HEMK2: variants seen among roughly 807,000 people sequenced by gnomAD.
HEMK2 encodes the protein methyltransferase HEMK2.
At chr21:28,854,152 T>G in the HEMK2 span, among the ~76,000 whole-genome samples, 27 of 152,294 alleles carry the variant, frequency 1.8e-4, no homozygotes, top group African/African-American at 6.0e-4. Flanking sequence ...ACCAACAAGC[T>G]TCATTATTTT....
the HEMK2 span, among the ~76,000 whole-genome samples, chr21:28,690,816 A>T: frequency 6.6e-6 from 1 of 152,172 alleles, no homozygotes; most frequent in Non-Finnish European, 1.5e-5. Flanking sequence ...TACTTCCAAT[A>T]TACAGCATCT....
chr21:28,873,075 A>G, the HEMK2 span: 6 of 152,216 alleles, frequency 3.9e-5, no homozygotes, highest in African/African-American at 1.4e-4. Flanking sequence ...TAACTGCCAC[A>G]TAAAGACAAC....
chr21:28,877,076 G>A, the HEMK2 span, among the ~76,000 whole-genome samples: 2 of 110,740 alleles, frequency 1.8e-5, no homozygotes, highest in Non-Finnish European at 3.7e-5. Context: ...GGGAGGGAAG[G>A]GAAGGGAAGG....
chr21:28,718,449 T>A, the HEMK2 span, among the ~76,000 whole-genome samples: 1 of 152,188 alleles, frequency 6.6e-6, no homozygotes, highest in African/African-American at 2.4e-5. Flanking sequence ...ATTGGTCAAG[T>A]GTTGAATTTA....
the HEMK2 span, among the ~76,000 whole-genome samples, chr21:28,750,896 T>C: frequency 6.6e-6 from 1 of 152,134 alleles, no homozygotes; most frequent in African/African-American, 2.4e-5. Flanking sequence ...CAGCCATCTC[T>C]TCTCCACTCG....
At chr21:28,769,576 A>T in the HEMK2 span, among the ~76,000 whole-genome samples, 2 of 152,148 alleles carry the variant, frequency 1.3e-5, no homozygotes, top group South Asian at 4.1e-4. Flanking sequence ...GGTGATATAA[A>T]ATAATCATAG....
the HEMK2 span, among the ~76,000 whole-genome samples, chr21:28,834,447 A>C: frequency 1.9e-4 from 29 of 152,176 alleles, no homozygotes; most frequent in African/African-American, 6.8e-4. Flanking sequence ...AAGCTGAGTC[A>C]ATCTAGAGAG....
At chr21:28,822,853 A>C in the HEMK2 span, among the ~76,000 whole-genome samples, 2 of 147,092 alleles carry the variant, frequency 1.4e-5, no homozygotes, top group African/African-American at 5.4e-5. Flanking sequence ...CTAATCCCAG[A>C]TATTAACGTC....
the HEMK2 span, among the ~76,000 whole-genome samples, chr21:28,601,860 G>T: frequency 6.6e-6 from 1 of 152,172 alleles, no homozygotes; most frequent in African/African-American, 2.4e-5. Context: ...ACATCATTTT[G>T]TAATCAGCAG....
At chr21:28,694,949 G>A in the HEMK2 span, among the ~76,000 whole-genome samples, 2 of 150,014 alleles carry the variant, frequency 1.3e-5, no homozygotes, top group African/African-American at 4.9e-5. Flanking sequence ...AGTGAGCCGA[G>A]ATGGGGTCAC....
chr21:28,726,998 TCAGTACTAGTTCA>T, the HEMK2 span, among the ~76,000 whole-genome samples: 1 of 152,052 alleles, frequency 6.6e-6, no homozygotes, highest in Non-Finnish European at 1.5e-5. Flanking sequence ...TTTCTCAATA[TCAGTACTAGTTCA>T]CAGGGTCCCT....
chr21:28,649,722 C>T, the HEMK2 span, among the ~76,000 whole-genome samples: 1 of 151,982 alleles, frequency 6.6e-6, no homozygotes, highest in Non-Finnish European at 1.5e-5. Flanking sequence ...AGGAACTTGC[C>T]ATGCTAAGCA....
At chr21:28,620,140 C>CT in the HEMK2 span, among the ~76,000 whole-genome samples, 1 of 152,104 alleles carries the variant, frequency 6.6e-6, no homozygotes, top group Admixed American at 6.6e-5. Context: ...GGTGGATAAG[C>CT]TTTTTGATGT....
At chr21:28,854,110 T>C in the HEMK2 span, among the ~76,000 whole-genome samples, 1 of 152,184 alleles carries the variant, frequency 6.6e-6, no homozygotes. Flanking sequence ...CATTATATAT[T>C]TTCATCATTT....
chr21:28,878,312 C>T, the HEMK2 span: 1 of 1,613,288 alleles, frequency 6.2e-7, no homozygotes, highest in African/African-American at 1.3e-5. Context: ...GCCCAAGCTG[C>T]CTCTATTCCG....
the HEMK2 span, chr21:28,873,803 G>A: frequency 6.6e-6 from 1 of 152,166 alleles, no homozygotes; most frequent in Non-Finnish European, 1.5e-5. Flanking sequence ...TAAACTTCCA[G>A]TTCAATTAAA....
At chr21:28,846,185 T>A in the HEMK2 span, among the ~76,000 whole-genome samples, 1 of 152,206 alleles carries the variant, frequency 6.6e-6, no homozygotes, top group African/African-American at 2.4e-5. Flanking sequence ...ATTTTCTTTA[T>A]CCAGTCTACC....
At chr21:28,714,596 G>T in the HEMK2 span, among the ~76,000 whole-genome samples, 1 of 152,216 alleles carries the variant, frequency 6.6e-6, no homozygotes. Context: ...AGTGTCTACT[G>T]TGACAAAGAG....
the HEMK2 span, among the ~76,000 whole-genome samples, chr21:28,648,565 G>A: frequency 2.0e-5 from 3 of 152,098 alleles, no homozygotes; most frequent in Non-Finnish European, 4.4e-5. Flanking sequence ...ATTAAATTAA[G>A]TTGATGAGTC....
Sources: allele counts gnomAD v4.1 joint callset (sites outside exome capture counted in the v4.1 genomes callset), GRCh38; gene constraint gnomAD v4.1.1; transcripts MANE v1.5; gene names NCBI Gene and HGNC (gene_info 2026-07-23, HGNC 2026-07-21).